Variants in SGPL1 observed in about 807,000 individuals in gnomAD.
SGPL1 encodes SP-lyase 1.
SGPL1 carries 37 observed loss-of-function variants against 68.9 expected under a neutral mutation model. The ratio of observed to expected loss-of-function variants is 0.54; its 90% CI spans 0.41 to 0.71. SGPL1 has a LOEUF of 0.71. Ranked by LOEUF, SGPL1 falls within the 30% of genes least tolerant of loss-of-function variation. The probability of loss-of-function intolerance (pLI) is 0.00; values close to 1 mark genes in which losing one functional copy is unlikely to be tolerated. For synonymous variants in SGPL1, 236 were observed against 248.5 expected (o/e 0.95, Z 0.47); for missense variants, 551 against 704.6 (o/e 0.78, Z 2.47).
chr10:70,839,434 T>C (rs1289586884), intron 2 of SGPL1, among the ~76,000 whole-genome samples: 2 of 152,120 alleles, frequency 1.3e-5, no homozygotes, highest in African/African-American at 4.8e-5. Context: ...AAACTACTGT[T>C]CTATTAAGCA....
chr10:70,865,324 C>CTTTTTTT (rs60825486), intron 7 of SGPL1, among the ~76,000 whole-genome samples: 1 of 148,838 alleles, frequency 6.7e-6, no homozygotes, highest in African/African-American at 2.5e-5. Flanking sequence ...TGCACTCACC[C>CTTTTTTT]TTTTTTTTTT....
chr10:70,874,536 C>A (rs1846352525), intron 12 of SGPL1, among the ~76,000 whole-genome samples: 1 of 152,112 alleles, frequency 6.6e-6, no homozygotes, highest in Non-Finnish European at 1.5e-5. Flanking sequence ...ACCAGCCTGA[C>A]CAACAGGGAG....
chr10:70,851,223 T>C lies in SGPL1; in HGVS notation c.261+13T>C, dbSNP rs370667202. ...TATTGGTCGTAAGGTAAGTAGAATC[T>C]GTGTATGTCATTTTTTCCCCTCTTG... On this transcript the variant is annotated intron_variant, in intron 4 of 14. Transcript: ENST00000373202. The C allele has an allele frequency of 1.9e-6, 3 of 1,597,926 alleles. No homozygotes were observed. The highest frequency in any genetic ancestry group is 2.7e-5 in the African/African-American group (2 of 74,734).
rs1237802644 is a variant in SGPL1 at position 70,880,170 on chromosome 10, C to T, written c.*2835C>T. The T allele has an allele frequency of 1.3e-5, 2 of 152,614 alleles. No homozygotes were observed. 9.5% of individuals were successfully genotyped at this position (152,614 alleles called of 1,614,324 possible). On this transcript the variant is annotated 3_prime_UTR_variant, in exon 15 of 15. Coordinates refer to ENST00000373202, the MANE Select transcript of SGPL1 (RefSeq NM_003901.4). ...GGCACACACGAGATGACAAATGGGG[C>T]AGTGGCCATGCTTGAATGGGCTCCT...
At chr10:70,818,728 C>A (rs189675694) in intron 2 of SGPL1, among the ~76,000 whole-genome samples, 1 of 152,048 alleles carries the variant, frequency 6.6e-6, no homozygotes, top group Non-Finnish European at 1.5e-5. Context: ...TTAGGTTATC[C>A]GCAGATCCCA....
intron 3 of SGPL1, among the ~76,000 whole-genome samples, chr10:70,845,034 G>C (rs933904935): frequency 1.3e-5 from 2 of 152,100 alleles, no homozygotes; most frequent in Non-Finnish European, 2.9e-5. Context: ...CACCGTGCCC[G>C]GCCCTGGTTT....
intron 9 of SGPL1, 90 bp from the exon 10 acceptor site, chr10:70,870,958 T>C: frequency 9.3e-7 from 1 of 1,075,410 alleles, no homozygotes; most frequent in Non-Finnish European, 1.4e-6. Context: ...ACTGGAACTC[T>C]AAGCTAGCAG....
At chr10:70,865,447 AG>A (rs1267073059) in intron 7 of SGPL1, among the ~76,000 whole-genome samples, 1 of 152,194 alleles carries the variant, frequency 6.6e-6, no homozygotes, top group African/African-American at 2.4e-5. Flanking sequence ...GAAGAAGGAT[AG>A]AGTCTGATTC....
chr10:70,850,862 TC>T (rs950928897), intron 3 of SGPL1, among the ~76,000 whole-genome samples: 3 of 126,828 alleles, frequency 2.4e-5, no homozygotes, highest in African/African-American at 8.9e-5. Flanking sequence ...ATAAGGAAAC[TC>T]AGGGGGGTAG....
chr10:70,835,897 G>T (rs1418967103), intron 2 of SGPL1, among the ~76,000 whole-genome samples: 1 of 152,142 alleles, frequency 6.6e-6, no homozygotes, highest in Non-Finnish European at 1.5e-5. Context: ...TTCCTTGAGT[G>T]AATAACAGAC....
chr10:70,844,355 G>A (rs1845758916), intron 2 of SGPL1, 118 bp from the exon 3 acceptor site: 2 of 858,276 alleles, frequency 2.3e-6, no homozygotes, highest in Non-Finnish European at 3.5e-6. Flanking sequence ...TATTGCTGAA[G>A]AAGGGCAAGA....
intron 2 of SGPL1, among the ~76,000 whole-genome samples, chr10:70,818,385 G>A (rs1226675512): frequency 6.6e-6 from 1 of 152,236 alleles, no homozygotes; most frequent in Non-Finnish European, 1.5e-5. Flanking sequence ...CTCCCAAAGT[G>A]CTGGGATTAC....
In SGPL1 at chr10:70,839,286, AGTTT is replaced by A. The variant is rs553470628; in HGVS notation, c.28-5182_28-5179del. Among the ~76,000 whole-genome samples the A allele has an allele frequency of 6.0e-4, 91 of 151,310 alleles. No homozygotes were observed. The South Asian group carries it at 0.01, about 17-fold the overall frequency. On this transcript the variant is annotated intron_variant, in intron 2 of 14. Coordinates refer to ENST00000373202, the MANE Select transcript of SGPL1 (RefSeq NM_003901.4). ...TATTCCTACTACTAAGGTTTATAAGAGTTTGTTTTTTTCTTTAATGTTATACTTT... is the reference window on the plus strand; with the variant it reads ...TATTCCTACTACTAAGGTTTATAAGAGTTTTTTTCTTTAATGTTATACTTT...
At chr10:70,851,036 T>C (rs1845871623) in intron 3 of SGPL1, 107 bp from the exon 4 acceptor site, 1 of 819,870 alleles carries the variant, frequency 1.2e-6, no homozygotes, top group African/African-American at 1.7e-5. Context: ...AAGAAACTCT[T>C]TGCAATTGGA....
intron 9 of SGPL1, 78 bp downstream of exon 9, chr10:70,869,975 A>T (rs1846263348): frequency 2.2e-5 from 26 of 1,159,802 alleles, no homozygotes; most frequent in Non-Finnish European, 3.1e-5. Context: ...AGCCGTTTCC[A>T]GTCAGATGGG....
At position 70,856,582 on chromosome 10, in the gene SGPL1, C is replaced by G. The variant is rs566085750; in HGVS notation, c.410-1032C>G. Among the ~76,000 whole-genome samples the G allele has an allele frequency of 2.6e-5, 4 of 152,322 alleles. No homozygotes were observed. In the South Asian group the frequency reaches 8.3e-4, roughly 32 times the overall value. On this transcript the variant is annotated intron_variant, in intron 5 of 14. Transcript: ENST00000373202. The stretch of plus-strand genomic sequence containing the variant: ...AAGGCTGGTGACCACTGGTCTGAAG[C>G]TGTGTATAGTACAGAGCAGTGTCCT...
intron 3 of SGPL1, among the ~76,000 whole-genome samples, chr10:70,847,693 C>A (rs772501306): frequency 6.6e-6 from 1 of 152,152 alleles, no homozygotes; most frequent in Admixed American, 6.5e-5. Context: ...AGCACACTTT[C>A]ATTTGGTAAT....
At chr10:70,871,326 C>T (rs1015471482) in intron 10 of SGPL1, among the ~76,000 whole-genome samples, 180 bp downstream of exon 10, 1 of 152,174 alleles carries the variant, frequency 6.6e-6, no homozygotes, top group Non-Finnish European at 1.5e-5. Context: ...TTAAAAGTTG[C>T]TAGTCTCTGC....
intron 2 of SGPL1, among the ~76,000 whole-genome samples, chr10:70,841,652 G>A (rs1208230048): frequency 6.6e-6 from 1 of 152,062 alleles, no homozygotes; most frequent in Non-Finnish European, 1.5e-5. Context: ...ATCAGCTTGA[G>A]GGTTAGATTT....
Sources: gnomAD v4.1 joint callset for allele counts (sites outside exome capture counted in the v4.1 genomes callset) on GRCh38, gnomAD v4.1.1 for gene constraint, MANE v1.5 for transcripts, NCBI Gene and HGNC (gene_info 2026-07-23, HGNC 2026-07-21) for gene names.